The following LHB variants were observed in gnomAD, a reference collection of about 807,000 sequenced individuals.
LHB encodes the protein lutropin subunit beta.
A neutral mutation model predicts 10.6 loss-of-function variants in LHB; 11 were observed. The ratio of observed to expected loss-of-function variants is 1.04; its 90% confidence interval spans 0.66 to 1.72. The LOEUF is 1.72. Among genes scored for constraint, LHB ranks in the 40% most tolerant of loss-of-function variants. The probability of loss-of-function intolerance (pLI) is 0.00; values close to 1 mark genes in which losing one functional copy is unlikely to be tolerated. For missense variants in LHB, 184 were observed against 197.3 expected (o/e 0.93, Z 0.41); for synonymous variants, 86 against 83.1 (o/e 1.03, Z -0.19).
At chr19:49,017,699 G>T, upstream of LHB, 1 of 554,514 alleles carries the variant, frequency 1.8e-6, no homozygotes, top group Non-Finnish European at 2.7e-6. Context: ...TGTGGTTCAG[G>T]TGATTTAACT....
chr19:49,016,437 C>T (rs1418468914), intron 2 of LHB, 110 bp downstream of exon 2: 56 of 1,601,186 alleles, frequency 3.5e-5, no homozygotes, highest in Non-Finnish European at 4.6e-5. Context: ...CCTTCCCACA[C>T]CCCATTCCCC....
chr19:49,018,776 A>G, upstream of LHB: 1 of 1,074,492 alleles, frequency 9.3e-7, no homozygotes, highest in East Asian at 2.6e-5. Flanking sequence ...GGCTGAGACC[A>G]CCGGCTCAGG....
chr19:49,017,280 G>T (rs2039573304), upstream of LHB, among the ~76,000 whole-genome samples: 2 of 152,182 alleles, frequency 1.3e-5, no homozygotes. Context: ...TCTAGCGCCA[G>T]AGGTGAGGCA....
upstream of LHB, chr19:49,017,200 G>C (rs181893582): frequency 5.5e-5 from 84 of 1,526,006 alleles, no homozygotes; most frequent in African/African-American, 1.1e-3. Flanking sequence ...CCCCGGGGGC[G>C]AGAGGTGCAC....
At chr19:49,019,302 C>T (rs1365717277), upstream of LHB, 1 of 1,218,656 alleles carries the variant, frequency 8.2e-7, no homozygotes, top group South Asian at 2.7e-5. Flanking sequence ...TCCGCTCTGT[C>T]TTAAACCGTC....
chr19:49,019,346 G>T (rs1171674682), upstream of LHB: 20 of 1,191,216 alleles, frequency 1.7e-5, no homozygotes, highest in Non-Finnish European at 2.0e-5. Flanking sequence ...CTGCATCTTG[G>T]GCAGCAACTC....
At chr19:49,017,253 C>T (rs2039572452), upstream of LHB, among the ~76,000 whole-genome samples, 1 of 152,072 alleles carries the variant, frequency 6.6e-6, no homozygotes, top group African/African-American at 2.4e-5. Context: ...AGCGCCCCAG[C>T]CCTCTCCCCT....
chr19:49,019,282 C>A, upstream of LHB: 1 of 1,235,534 alleles, frequency 8.1e-7, no homozygotes, highest in Non-Finnish European at 1.0e-6. Flanking sequence ...CCAAAAACAA[C>A]CTCCCTGGTT....
At chr19:49,018,519 C>T (rs2039593533), upstream of LHB, among the ~76,000 whole-genome samples, 1 of 152,094 alleles carries the variant, frequency 6.6e-6, no homozygotes, top group South Asian at 2.1e-4. Context: ...TACTTAACGT[C>T]CTGGAAACTG....
chr19:49,016,812 CCCTT>C, intron 1 of LHB, 98 bp from the exon 2 acceptor site: 1 of 1,594,838 alleles, frequency 6.3e-7, no homozygotes. Context: ...GACCCAGAGA[CCCTT>C]CCCGGCATCT....
chr19:49,016,338 G>T lies in LHB; in HGVS notation c.184-28C>A, dbSNP rs199590652. On this transcript the variant is annotated intron_variant, in intron 2 of 2. Coordinates refer to ENST00000649238, the MANE Select transcript of LHB (RefSeq NM_000894.3). ...GGAGGCCGTGTGAGTGGGGGAATGA[G>T]CATGTGCCTGAGGCCAGCGCCTCAG... 18 of 1,608,174 alleles carry T rather than the reference G, an allele frequency of 1.1e-5. No individual in the cohort carries two copies. In the East Asian group the frequency reaches 3.8e-4, roughly 34 times the overall value.
chr19:49,016,055 G>C lies in LHB; in HGVS notation c.*13C>G. On this transcript the variant is annotated 3_prime_UTR_variant, in exon 3 of 3. Coordinates refer to ENST00000649238, the MANE Select transcript of LHB (RefSeq NM_000894.3). Reference sequence around the variant, plus strand: ...GGAGTCGGGATGGACTTGGAAGGCTGCGGGGAGGGTCTTTAGAGGAAGAGG... The same window carrying C: ...GGAGTCGGGATGGACTTGGAAGGCTCCGGGGAGGGTCTTTAGAGGAAGAGG... 2 of 1,613,826 alleles carry C rather than the reference G, an allele frequency of 1.2e-6. No homozygotes were observed. The highest frequency in any genetic ancestry group is 1.7e-6 in the Non-Finnish European group (2 of 1,180,044).
chr19:49,017,438 G>C, upstream of LHB: 3 of 1,141,496 alleles, frequency 2.6e-6, no homozygotes, highest in Non-Finnish European at 3.4e-6. Context: ...ACCCGAGAAA[G>C]GTGCTGGACT....
chr19:49,016,668 G>A lies in LHB; in HGVS notation c.62C>T (p.Ser21Phe), dbSNP rs772494662. 3 of 1,612,054 alleles carry A rather than the reference G, an allele frequency of 1.9e-6. No homozygotes were observed. Among genetic ancestry groups the A allele is most frequent in the Non-Finnish European group, 1.7e-6 (2 of 1,179,804 alleles). Residue 21 changes from serine to phenylalanine, a missense_variant, in exon 2 of 3, where the codon TCC (serine) becomes TTC (phenylalanine). By Grantham distance (155) the Ser-to-Phe change is radical (BLOSUM62 -2). Transcript: ENST00000649238. ...LLLSMGGAWA[S>F]REPLRPWCHP... ...GCACCATGGCCGAAGCGGCTCCCTG[G>A]ATGCCCATGCCCCGCCCATGCTCAG...
chr19:49,017,615 C>A, upstream of LHB: 2 of 1,039,124 alleles, frequency 1.9e-6, no homozygotes, highest in Non-Finnish European at 2.4e-6. Context: ...TAAGCCCGAG[C>A]CCCACCTCTC....
upstream of LHB, chr19:49,018,776 A>ACCGGCTCAGGGAATGGGAG (rs2039595864): frequency 9.3e-7 from 1 of 1,074,386 alleles, no homozygotes; most frequent in African/African-American, 1.6e-5. Flanking sequence ...GGCTGAGACC[A>ACCGGCTCAGGGAATGGGAG]CCGGCTCAGG....
At chr19:49,016,451 C>T (rs563280756) in intron 2 of LHB, 96 bp downstream of exon 2, 22 of 1,602,486 alleles carry the variant, frequency 1.4e-5, no homozygotes, top group African/African-American at 4.0e-5. Flanking sequence ...ATTCCCCAAC[C>T]GCAGGCCAGA....
chr19:49,018,885 C>T, upstream of LHB: 1 of 1,534,292 alleles, frequency 6.5e-7, no homozygotes, highest in Non-Finnish European at 8.7e-7. Flanking sequence ...GGGATAGAAC[C>T]GAAAGTCCCG....
chr19:49,018,162 G>T, upstream of LHB: 1 of 404,550 alleles, frequency 2.5e-6, no homozygotes, highest in Non-Finnish European at 4.3e-6. Flanking sequence ...AGGGCTCCCC[G>T]GTGCGGCATG....
Sources: gnomAD v4.1 joint callset for allele counts (sites outside exome capture counted in the v4.1 genomes callset) on GRCh38, gnomAD v4.1.1 for gene constraint, MANE v1.5 for transcripts, NCBI Gene and HGNC (gene_info 2026-07-23, HGNC 2026-07-21) for gene names.